KCTD2: variants seen among roughly 807,000 people sequenced by gnomAD.
KCTD2 encodes the protein potassium channel tetramerization domain containing 2.
Under a neutral mutation model 27.9 loss-of-function variants are expected in KCTD2, and 18 were observed. That is an observed-to-expected ratio of 0.64 (90% CI 0.45 to 0.96). The LOEUF is 0.96. Ranked by LOEUF, KCTD2 falls within the 40% of genes least tolerant of loss-of-function variation. KCTD2 has a pLI of 0.00. For synonymous variants in KCTD2, 175 were observed against 148.4 expected (o/e 1.18, Z -1.30); for missense variants, 280 against 348.0 (o/e 0.80, Z 1.56).
chr17:75,038,004 G>A (rs1033874265), intron 3 of KCTD2, among the ~76,000 whole-genome samples: 3 of 151,944 alleles, frequency 2.0e-5, no homozygotes, highest in East Asian at 1.9e-4. Context: ...AGCCGAGATC[G>A]TCCCACTGCA....
At chr17:75,054,407 C>T (rs1256847057) in intron 3 of KCTD2, among the ~76,000 whole-genome samples, 2 of 152,156 alleles carry the variant, frequency 1.3e-5, no homozygotes, top group Admixed American at 6.5e-5. Context: ...ACATCTATTT[C>T]ACATCCTGCC....
At chr17:75,036,716 C>T (rs1472284648) in intron 3 of KCTD2, among the ~76,000 whole-genome samples, 1 of 152,246 alleles carries the variant, frequency 6.6e-6, no homozygotes, top group East Asian at 1.9e-4. Flanking sequence ...CATCCCTGCG[C>T]TTTCACTTGG....
intron 2 of KCTD2, among the ~76,000 whole-genome samples, chr17:75,050,128 G>A (rs1451154151): frequency 2.6e-5 from 4 of 152,128 alleles, no homozygotes; most frequent in South Asian, 4.1e-4. Context: ...AACGCATACA[G>A]AAGTAATGGG....
intron 3 of KCTD2, chr17:75,041,083 G>C (rs1056057348): frequency 6.6e-6 from 1 of 152,020 alleles, no homozygotes; most frequent in African/African-American, 2.4e-5. Context: ...CAGAGGCTGG[G>C]CATGGTGGCT....
chr17:75,039,413 A>G, intron 3 of KCTD2: 4 of 681,512 alleles, frequency 5.9e-6, no homozygotes, highest in Non-Finnish European at 1.0e-5. Context: ...GGGGGCGCTC[A>G]CTCTGACAGG....
intron 3 of KCTD2, chr17:75,039,928 A>C (rs1297366633): frequency 5.4e-6 from 4 of 739,672 alleles, no homozygotes; most frequent in Non-Finnish European, 9.2e-6. Context: ...TTCACTCCGC[A>C]TAATTATTTT....
At chr17:75,037,024 A>G (rs2073109169) in intron 3 of KCTD2, among the ~76,000 whole-genome samples, 4 of 152,106 alleles carry the variant, frequency 2.6e-5, no homozygotes, top group Admixed American at 2.0e-4. Flanking sequence ...GTTGTCAGGC[A>G]TTGTTGCTCT....
rs140171348 is a variant in KCTD2, at chr17:75,053,051, C to A, written c.486C>A (p.Ser162=). 1.4e-5 allele frequency: 23 copies of A among 1,614,092 alleles called. No individual in the cohort carries two copies. In the South Asian group the frequency reaches 2.5e-4, roughly 18 times the overall value. The part of the protein sequence containing the change: ...LEEAEFYNIA[S]LVRLVKERIR... ...AAGCGGAGTTTTACAACATCGCGTC[C>A]CTTGTGCGGCTGGTTAAGGAAAGGA... The change falls in exon 3 of 6, where the codon TCC becomes TCA. Residue 162 remains serine, a synonymous_variant. Coordinates refer to ENST00000322444, the MANE Select transcript of KCTD2 (RefSeq NM_015353.3).
upstream of KCTD2, among the ~76,000 whole-genome samples, chr17:75,043,027 G>C (rs1236827635): frequency 6.6e-6 from 1 of 152,138 alleles, no homozygotes; most frequent in Admixed American, 6.5e-5. Flanking sequence ...TTCGAGACCA[G>C]CATGGCCAAC....
In KCTD2 at chr17:75,063,047, A is replaced by C. The variant is rs1291329415; in HGVS notation, c.792A>C (p.Ter264TyrextTer21). The C allele has an allele frequency of 6.2e-7, 1 of 1,613,792 alleles. No homozygotes were observed. Among genetic ancestry groups the C allele is most frequent in the South Asian group, 1.1e-5 (1 of 91,032 alleles). The change falls in exon 6 of 6, where the codon TAA becomes TAC. Residue 264 changes from the stop codon to tyrosine, a stop_lost. Coordinates refer to ENST00000322444, the MANE Select transcript of KCTD2 (RefSeq NM_015353.3). Reference sequence around the variant, plus strand: ...TTCAGGAGAGAGGATCGCGGATGTAAACTAAGACCCCGAAAACTCCAGACC... The same window carrying C: ...TTCAGGAGAGAGGATCGCGGATGTACACTAAGACCCCGAAAACTCCAGACC... The part of the protein sequence containing the change: ...KILQERGSRM[*>Y]
At chr17:75,045,775 T>A (rs1046962835), upstream of KCTD2, among the ~76,000 whole-genome samples, 3 of 152,218 alleles carry the variant, frequency 2.0e-5, no homozygotes, top group Non-Finnish European at 4.4e-5. Flanking sequence ...ACACAATTAT[T>A]ACAGGGTCCT....
upstream of KCTD2, among the ~76,000 whole-genome samples, chr17:75,042,896 A>C (rs1165053762): frequency 6.6e-6 from 1 of 151,900 alleles, no homozygotes; most frequent in East Asian, 1.9e-4. Context: ...AAAAGAAAAA[A>C]AGACAGTGTA....
intron 3 of KCTD2, among the ~76,000 whole-genome samples, chr17:75,058,347 A>G (rs1406557155): frequency 6.7e-6 from 1 of 150,088 alleles, no homozygotes; most frequent in African/African-American, 2.5e-5. Context: ...GGAAAAAAAA[A>G]TAAAAAATTA....
At chr17:75,049,189 C>T in intron 1 of KCTD2, 31 bp from the exon 2 acceptor site, 1 of 1,344,338 alleles carries the variant, frequency 7.4e-7, no homozygotes, top group Non-Finnish European at 1.1e-6. Flanking sequence ...CCTCAAAGGT[C>T]CACAATGATA....
rs1029449369 is a variant in KCTD2, at chr17:75,065,057, G to A, written c.*2010G>A. ...ACCAGGTTCAGCAAGGAGGCCTGGGGGTCAGACACCAATGTTGAGCACCTC... is the reference window on the plus strand; with the variant it reads ...ACCAGGTTCAGCAAGGAGGCCTGGGAGTCAGACACCAATGTTGAGCACCTC... On this transcript the variant is annotated 3_prime_UTR_variant, in exon 6 of 6. Coordinates refer to ENST00000322444, the MANE Select transcript of KCTD2 (RefSeq NM_015353.3). 2.6e-5 allele frequency: 4 copies of A among 152,218 alleles called. No individual in the cohort carries two copies. Among genetic ancestry groups the A allele is most frequent in the Non-Finnish European group, 5.9e-5 (4 of 68,082 alleles). 9.4% of individuals were successfully genotyped at this position (152,218 alleles called of 1,614,324 possible).
chr17:75,038,233 G>A (rs938005668), intron 3 of KCTD2, among the ~76,000 whole-genome samples: 1 of 151,702 alleles, frequency 6.6e-6, no homozygotes, highest in Admixed American at 6.6e-5. Context: ...CAAGCCTCAA[G>A]CTGAGGCCAA....
chr17:75,051,431 CAT>C, intron 2 of KCTD2, among the ~76,000 whole-genome samples: 1 of 151,766 alleles, frequency 6.6e-6, no homozygotes, highest in African/African-American at 2.4e-5. Flanking sequence ...ATTACAGGTG[CAT>C]GCCACCACGC....
rs537814270 is a variant in KCTD2 at position 75,060,993 on chromosome 17, G to A, written c.637-1127G>A. Among the ~76,000 whole-genome samples the A allele has an allele frequency of 4.6e-5, 7 of 152,292 alleles. No individual in the cohort carries two copies. In the East Asian group the frequency reaches 5.8e-4, roughly 13 times the overall value. ...TACTGGGCATGGGTTGTAAAACGTC[G>A]CCAAGAGTTTAATGCCCTCCACTCC... On this transcript the variant is annotated intron_variant, in intron 4 of 5. Transcript: ENST00000322444.
intron 3 of KCTD2, among the ~76,000 whole-genome samples, chr17:75,055,567 C>T (rs560336005): frequency 1.3e-5 from 2 of 151,786 alleles, no homozygotes; most frequent in African/African-American, 4.8e-5. Context: ...GGCGTGGTGG[C>T]TCATGCCTGT....
Sources: allele counts gnomAD v4.1 joint callset (sites outside exome capture counted in the v4.1 genomes callset), GRCh38; gene constraint gnomAD v4.1.1; transcripts MANE v1.5; gene names NCBI Gene and HGNC (gene_info 2026-07-23, HGNC 2026-07-21).